The following UGT3A1 variants were observed in gnomAD, a reference collection of about 807,000 sequenced individuals.
UGT3A1 encodes the protein UDP glycosyltransferase family 3 member A1, also known as UDP-glycosyltransferase 3A1.
In UGT3A1, 40 loss-of-function variants were observed where a neutral mutation model predicts 37.6. The observed-to-expected ratio is 1.06, with a 90% confidence interval of 0.83 to 1.38. The LOEUF is 1.38. Ranked by LOEUF, UGT3A1 falls within the 40% of genes most tolerant of loss-of-function variation. The pLI is 0.00. For missense variants in UGT3A1, 642 were observed against 634.2 expected (o/e 1.01, Z -0.13); for synonymous variants, 256 against 232.3 (o/e 1.10, Z -0.93).
intron 1 of UGT3A1, among the ~76,000 whole-genome samples, chr5:35,998,506 C>A (rs1472946998): frequency 6.6e-6 from 1 of 152,186 alleles, no homozygotes; most frequent in Non-Finnish European, 1.5e-5. Flanking sequence ...TTTATTATCT[C>A]CCAATATAAC....
At chr5:35,979,289 T>C (rs141975416) in intron 2 of UGT3A1, among the ~76,000 whole-genome samples, 113 of 152,334 alleles carry the variant, frequency 7.4e-4, no homozygotes, top group African/African-American at 2.7e-3. Context: ...TATCACATTG[T>C]CAGTCCGCAA....
At chr5:35,975,342 C>G (rs548721760) in intron 2 of UGT3A1, among the ~76,000 whole-genome samples, 55 of 152,334 alleles carry the variant, frequency 3.6e-4, no homozygotes, top group African/African-American at 1.3e-3. Context: ...TCAGGGTAAC[C>G]TAGTCAGCTA....
At chr5:35,977,459 T>C (rs1271379111) in intron 2 of UGT3A1, among the ~76,000 whole-genome samples, 2 of 152,226 alleles carry the variant, frequency 1.3e-5, no homozygotes, top group Non-Finnish European at 2.9e-5. Context: ...TGGGATCAGA[T>C]ACCTCATGGA....
intron 6 of UGT3A1, 69 bp from the exon 7 acceptor site, chr5:35,954,547 T>C (rs1354757042): frequency 6.4e-7 from 1 of 1,551,860 alleles, no homozygotes; most frequent in Non-Finnish European, 8.8e-7. Flanking sequence ...TTGTATTGCA[T>C]GAGCACACAC....
At chr5:35,961,285 C>T (rs1437142959) in intron 4 of UGT3A1, 1 of 152,226 alleles carries the variant, frequency 6.6e-6, no homozygotes, top group Non-Finnish European at 1.5e-5. Context: ...AAACAGCAGT[C>T]AGATTCCTCC....
intron 2 of UGT3A1, among the ~76,000 whole-genome samples, chr5:35,971,958 G>C (rs1200254932): frequency 2.0e-5 from 3 of 152,120 alleles, no homozygotes; most frequent in Non-Finnish European, 4.4e-5. Flanking sequence ...GAGGTTTCCT[G>C]CTGCGGGAGG....
At chr5:35,997,650 C>T (rs572794579) in intron 1 of UGT3A1, among the ~76,000 whole-genome samples, 90 of 152,280 alleles carry the variant, frequency 5.9e-4, no homozygotes, top group African/African-American at 2.1e-3. Context: ...AGGTCTCAAA[C>T]TCCTGACCTC....
At chr5:35,967,911 AC>A in intron 3 of UGT3A1, 107 bp downstream of exon 3, 1 of 798,296 alleles carries the variant, frequency 1.3e-6, no homozygotes, top group Non-Finnish European at 2.1e-6. Context: ...TCTATCCATC[AC>A]CCACCCATCT....
chr5:35,967,874 T>G, intron 3 of UGT3A1, 145 bp downstream of exon 3: 1 of 666,478 alleles, frequency 1.5e-6, no homozygotes, highest in Non-Finnish European at 2.6e-6. Flanking sequence ...TATCCATTCA[T>G]CCACTCACAC....
chr5:35,976,910 A>AAGGAAG (rs200289130), intron 2 of UGT3A1, among the ~76,000 whole-genome samples: 1 of 139,108 alleles, frequency 7.2e-6, no homozygotes, highest in African/African-American at 2.6e-5. Flanking sequence ...GGAAGGAAGG[A>AAGGAAG]GAGAGAGAAA....
intron 2 of UGT3A1, among the ~76,000 whole-genome samples, chr5:35,985,243 T>G (rs1740686185): frequency 6.6e-6 from 1 of 151,990 alleles, no homozygotes; most frequent in African/African-American, 2.4e-5. Flanking sequence ...TCCTTGTTCA[T>G]GGACTAGAAG....
intron 2 of UGT3A1, among the ~76,000 whole-genome samples, chr5:35,977,818 A>G (rs1740354037): frequency 6.6e-6 from 1 of 152,224 alleles, no homozygotes; most frequent in Admixed American, 6.5e-5. Flanking sequence ...TTATAATCCC[A>G]TTTACGTAAA....
At chr5:35,959,536 G>A (rs1308771156) in intron 4 of UGT3A1, among the ~76,000 whole-genome samples, 1 of 152,002 alleles carries the variant, frequency 6.6e-6, no homozygotes, top group Non-Finnish European at 1.5e-5. Context: ...AATTTTTGGA[G>A]CTCAAATATG....
At position 35,981,160 on chromosome 5, in the gene UGT3A1, G is replaced by T. The variant is rs1371360244; in HGVS notation, c.196+7290C>A. On this transcript the variant is annotated intron_variant, in intron 2 of 6. Transcript: ENST00000274278. Reference sequence around the variant, plus strand: ...GGTAGATGGTGAGGTACAGAAAACTGTCTTAAAGAAAGAAAGAAAGAAAAA... The same window carrying T: ...GGTAGATGGTGAGGTACAGAAAACTTTCTTAAAGAAAGAAAGAAAGAAAAA... Among the ~76,000 whole-genome samples, 5 of 152,092 alleles carry T rather than the reference G, an allele frequency of 3.3e-5. No homozygotes were observed. In the East Asian group the frequency reaches 9.6e-4, roughly 29 times the overall value.
intron 2 of UGT3A1, among the ~76,000 whole-genome samples, chr5:35,983,297 A>G (rs1234975914): frequency 6.6e-6 from 1 of 152,156 alleles, no homozygotes; most frequent in African/African-American, 2.4e-5. Flanking sequence ...AATTGGAAAA[A>G]CTAGAAGAAA....
At chr5:35,957,072 T>C in intron 5 of UGT3A1, 116 bp downstream of exon 5, 2 of 776,926 alleles carry the variant, frequency 2.6e-6, no homozygotes. Flanking sequence ...GCATTACCTT[T>C]ACCTATGAGT....
intron 2 of UGT3A1, among the ~76,000 whole-genome samples, chr5:35,980,994 C>T (rs1740499714): frequency 6.6e-6 from 1 of 152,146 alleles, no homozygotes; most frequent in African/African-American, 2.4e-5. Context: ...AACTGACCTG[C>T]TGGTCAGGAT....
At chr5:35,971,720 C>A (rs1034043008) in intron 2 of UGT3A1, among the ~76,000 whole-genome samples, 2 of 152,108 alleles carry the variant, frequency 1.3e-5, no homozygotes, top group Non-Finnish European at 2.9e-5. Flanking sequence ...CTTGCTCCAA[C>A]CCCAGCTCTC....
upstream of UGT3A1, among the ~76,000 whole-genome samples, chr5:35,994,323 TTTGTTTTGTTTG>T: frequency 7.2e-6 from 1 of 138,784 alleles, no homozygotes; most frequent in South Asian, 2.5e-4. Flanking sequence ...TTTGTTTTGT[TTTGTTTTGTTTG>T]TGTGTGTGTG....
Sources: allele counts gnomAD v4.1 joint callset (sites outside exome capture counted in the v4.1 genomes callset), GRCh38; gene constraint gnomAD v4.1.1; transcripts MANE v1.5; gene names NCBI Gene and HGNC (gene_info 2026-07-23, HGNC 2026-07-21).